Variants in ROR1 observed in about 807,000 individuals in gnomAD.
The protein encoded by ROR1 is inactive tyrosine-protein kinase transmembrane receptor ROR1.
In ROR1, 19 loss-of-function variants were observed where a neutral mutation model predicts 78.8. That is an observed-to-expected ratio of 0.24 (90% CI 0.17 to 0.35). The LOEUF (loss-of-function observed/expected upper bound fraction) is 0.35, where lower values mean the gene tolerates loss of function less well. Among genes scored for constraint, ROR1 ranks in the 10% least tolerant of loss-of-function variants. The pLI is 1.00. For synonymous variants in ROR1, 386 were observed against 433.6 expected, an observed-to-expected ratio of 0.89 and a Z score of 1.36; for missense variants, 917 against 1,177.8, an observed-to-expected ratio of 0.78 and a Z score of 3.24.
chr1:64,040,649 C>A (rs1340444249), intron 2 of ROR1, among the ~76,000 whole-genome samples: 1 of 152,104 alleles, frequency 6.6e-6, no homozygotes, highest in Non-Finnish European at 1.5e-5. Context: ...GGGCTCATTT[C>A]CTGGTTCACA....
chr1:64,155,611 T>C (rs935028135), intron 7 of ROR1, among the ~76,000 whole-genome samples: 5 of 152,190 alleles, frequency 3.3e-5, no homozygotes, highest in African/African-American at 9.7e-5. Flanking sequence ...TCGTTTACAA[T>C]AGAAGACCTT....
At chr1:63,874,073 T>C (rs1215141452) in intron 1 of ROR1, among the ~76,000 whole-genome samples, 1 of 152,160 alleles carries the variant, frequency 6.6e-6, no homozygotes, top group Non-Finnish European at 1.5e-5. Context: ...TAAAAACATT[T>C]AAAAATGGGC....
chr1:63,969,064 C>A (rs2100494700), intron 1 of ROR1, among the ~76,000 whole-genome samples: 1 of 152,240 alleles, frequency 6.6e-6, no homozygotes, highest in Non-Finnish European at 1.5e-5. Context: ...AGAAGAAATC[C>A]TATCTGAAAT....
chr1:63,974,633 T>C (rs956686205), intron 1 of ROR1, among the ~76,000 whole-genome samples: 3 of 151,930 alleles, frequency 2.0e-5, no homozygotes, highest in African/African-American at 7.3e-5. Context: ...GTAAACCCTT[T>C]TTTTTCTTTT....
At chr1:64,175,165 C>T (rs1333399253) in intron 8 of ROR1, among the ~76,000 whole-genome samples, 1 of 151,914 alleles carries the variant, frequency 6.6e-6, no homozygotes, top group Non-Finnish European at 1.5e-5. Flanking sequence ...TCCATACCCC[C>T]AATAATCACT....
chr1:63,890,054 C>T (rs1342191221), intron 1 of ROR1, among the ~76,000 whole-genome samples: 2 of 151,672 alleles, frequency 1.3e-5, no homozygotes, highest in Non-Finnish European at 2.9e-5. Flanking sequence ...TGCAAGAGGA[C>T]CTGACCACTG....
chr1:63,877,554 G>A (rs1645295871), intron 1 of ROR1, among the ~76,000 whole-genome samples: 1 of 152,082 alleles, frequency 6.6e-6, no homozygotes, highest in African/African-American at 2.4e-5. Context: ...GAGGGAGTAG[G>A]GTGAGGTGGC....
intron 2 of ROR1, among the ~76,000 whole-genome samples, chr1:64,047,545 A>T (rs770538570): frequency 2.0e-5 from 3 of 152,186 alleles, no homozygotes; most frequent in Non-Finnish European, 2.9e-5. Flanking sequence ...ATTAATCACT[A>T]TGCTTATAGT....
At chr1:63,898,580 A>AAG (rs557865637) in intron 1 of ROR1, among the ~76,000 whole-genome samples, 1 of 151,642 alleles carries the variant, frequency 6.6e-6, no homozygotes, top group Non-Finnish European at 1.5e-5. Context: ...GAAGGAAGGA[A>AAG]AGAGAGAGAG....
At chr1:63,782,542 AG>A (rs1393089331) in intron 1 of ROR1, among the ~76,000 whole-genome samples, 6 of 132,594 alleles carry the variant, frequency 4.5e-5, no homozygotes, top group South Asian at 2.5e-4. Flanking sequence ...TGAGATTTTG[AG>A]GTTTTTTTTT....
At chr1:64,099,792 C>T (rs796189794) in intron 4 of ROR1, among the ~76,000 whole-genome samples, 15 of 152,280 alleles carry the variant, frequency 9.9e-5, no homozygotes, top group African/African-American at 3.6e-4. Context: ...TGCAGTGGCT[C>T]ACGCCTGTAA....
At chr1:63,853,424 A>G (rs1557528176) in intron 1 of ROR1, among the ~76,000 whole-genome samples, 1 of 152,268 alleles carries the variant, frequency 6.6e-6, no homozygotes, top group East Asian at 1.9e-4. Flanking sequence ...CAAAATCTGA[A>G]ACGTTTTGCA....
intron 1 of ROR1, among the ~76,000 whole-genome samples, chr1:63,942,107 C>G (rs1364972060): frequency 6.6e-6 from 1 of 152,194 alleles, no homozygotes; most frequent in Non-Finnish European, 1.5e-5. Flanking sequence ...CTGGCACGGT[C>G]TGGTGCAGAC....
At chr1:63,939,475 T>C (rs1645819115) in intron 1 of ROR1, among the ~76,000 whole-genome samples, 1 of 152,164 alleles carries the variant, frequency 6.6e-6, no homozygotes, top group African/African-American at 2.4e-5. Context: ...TAAATACTTT[T>C]GGAGAACACA....
intron 1 of ROR1, among the ~76,000 whole-genome samples, chr1:63,970,453 A>G (rs1646110491): frequency 6.6e-6 from 1 of 152,162 alleles, no homozygotes; most frequent in Admixed American, 6.5e-5. Flanking sequence ...ATAATAACAC[A>G]CCAATTGTTT....
At chr1:63,910,038 G>T (rs115622327) in intron 1 of ROR1, among the ~76,000 whole-genome samples, 189 of 152,258 alleles carry the variant, frequency 1.2e-3, no homozygotes, top group African/African-American at 4.3e-3. Flanking sequence ...CTCTTAACAA[G>T]GCACTTAATC....
chr1:64,095,927 C>T (rs910622593), intron 4 of ROR1, among the ~76,000 whole-genome samples: 1 of 152,102 alleles, frequency 6.6e-6, no homozygotes, highest in African/African-American at 2.4e-5. Context: ...CAAGATTAGT[C>T]CTTAGATCTT....
intron 4 of ROR1, among the ~76,000 whole-genome samples, chr1:64,064,341 C>A (rs963006492): frequency 3.9e-5 from 6 of 152,136 alleles, no homozygotes; most frequent in African/African-American, 4.8e-5. Context: ...GGGGTTATCA[C>A]CCAAAGCAAA....
intron 1 of ROR1, among the ~76,000 whole-genome samples, chr1:63,831,316 T>G (rs1350712476): frequency 6.6e-6 from 1 of 152,198 alleles, no homozygotes; most frequent in Non-Finnish European, 1.5e-5. Flanking sequence ...GTAGAGGTTC[T>G]CCATGAGGAC....
Sources: allele counts gnomAD v4.1 joint callset (sites outside exome capture counted in the v4.1 genomes callset), GRCh38; gene constraint gnomAD v4.1.1; transcripts MANE v1.5; gene names NCBI Gene and HGNC (gene_info 2026-07-23, HGNC 2026-07-21).